CYP20A1: variants seen among roughly 807,000 people sequenced by gnomAD.
The protein encoded by CYP20A1 is cytochrome P450 family 20 subfamily A member 1.
In CYP20A1, 61 loss-of-function variants were observed where a neutral mutation model predicts 61.4. The ratio of observed to expected loss-of-function variants is 0.99; its 90% confidence interval spans 0.81 to 1.23. The LOEUF (loss-of-function observed/expected upper bound fraction) is 1.23, where lower values mean the gene tolerates loss of function less well. Ranked by LOEUF, CYP20A1 falls within the 50% of genes most tolerant of loss-of-function variation. The pLI is 0.00. For missense variants in CYP20A1, 530 were observed against 542.4 expected (o/e 0.98, Z 0.23); for synonymous variants, 193 against 188.2 (o/e 1.03, Z -0.21).
rs184333613 is a variant in CYP20A1 at position 203,254,285 on chromosome 2, G to C, written c.432+2176G>C. On this transcript the variant is annotated intron_variant, in intron 4 of 12. Coordinates refer to ENST00000356079, the MANE Select transcript of CYP20A1 (RefSeq NM_177538.3). ...TAACCCTTGCCTTCCCTGTTACTTA[G>C]AGTGAATGAATGCATATTTATTTTT... is the stretch of plus-strand genomic sequence containing the variant. Among the ~76,000 whole-genome samples, 98 of 152,170 alleles carry C rather than the reference G, an allele frequency of 6.4e-4. 2 individuals carry two copies. The highest frequency in any genetic ancestry group is 1.4e-3 in the Admixed American group (21 of 15,262).
rs2068999031 is a variant in CYP20A1, at chr2:203,301,022, C to A, written c.*4114C>A. 6.6e-6 allele frequency among the ~76,000 whole-genome samples: 1 copy of A among 151,054 alleles called. No homozygotes were observed. Among genetic ancestry groups the A allele is most frequent in the Non-Finnish European group, 1.5e-5 (1 of 67,888 alleles). On this transcript the variant is annotated 3_prime_UTR_variant, in exon 13 of 13. Transcript: ENST00000356079. ...GACCAGCCTGACCAACATGGAGAAA[C>A]TTCATCTCTACTAAAAATACAAAAT...
At chr2:203,242,882 TA>T (rs2066304366) in intron 1 of CYP20A1, among the ~76,000 whole-genome samples, 2 of 152,150 alleles carry the variant, frequency 1.3e-5, no homozygotes, top group East Asian at 3.8e-4. Flanking sequence ...CCATTTGTCA[TA>T]ATCATCTAGC....
intron 9 of CYP20A1, 97 bp from the exon 10 acceptor site, chr2:203,289,668 A>G (rs1575267230): frequency 1.9e-6 from 1 of 514,638 alleles, no homozygotes; most frequent in East Asian, 3.2e-5. Flanking sequence ...CAAGTTGGGA[A>G]TGTTTGAGCA....
At position 203,278,638 on chromosome 2, in the gene CYP20A1, C is replaced by G; in HGVS notation, c.745C>G (p.Gln249Glu). 1 of 1,606,764 alleles carries G rather than the reference C, an allele frequency of 6.2e-7. No homozygotes were observed. The highest frequency in any genetic ancestry group is 8.5e-7 in the Non-Finnish European group (1 of 1,176,238). Residue 249 changes from glutamine to glutamate, a missense_variant, in exon 7 of 13, where the codon CAA becomes GAA. Coordinates refer to ENST00000356079, the MANE Select transcript of CYP20A1 (RefSeq NM_177538.3). ...IKERKGRNFS[Q>E]HIFIDSLVQG... ...AGAACGAAAAGGAAGGAACTTCAGT[C>G]AACATATTTTCATTGACTCCTTAGT...
chr2:203,249,674 G>A (rs1434557321), intron 3 of CYP20A1, among the ~76,000 whole-genome samples: 1 of 151,852 alleles, frequency 6.6e-6, no homozygotes, highest in Non-Finnish European at 1.5e-5. Context: ...GTGAAACCCC[G>A]TCTCTACTAA....
chr2:203,283,327 C>G (rs2068122319), intron 8 of CYP20A1, among the ~76,000 whole-genome samples: 1 of 149,858 alleles, frequency 6.7e-6, no homozygotes, highest in East Asian at 2.0e-4. Flanking sequence ...AGCGATTCTC[C>G]TGCCTCAGCC....
At chr2:203,267,719 C>CT (rs2067387264) in intron 5 of CYP20A1, among the ~76,000 whole-genome samples, 1 of 151,786 alleles carries the variant, frequency 6.6e-6, no homozygotes, top group African/African-American at 2.4e-5. Context: ...TGGCAGGAGC[C>CT]TATAATCCCA....
chr2:203,245,783 G>T, intron 1 of CYP20A1, 63 bp from the exon 2 acceptor site: 1 of 927,734 alleles, frequency 1.1e-6, no homozygotes, highest in Non-Finnish European at 1.7e-6. Flanking sequence ...AGATGTGTTG[G>T]TGAAACACAT....
Position 203,239,022 on chromosome 2 carries a change from G to C in CYP20A1, c.-41G>C. The C allele has an allele frequency of 1.3e-6, 2 of 1,584,314 alleles. No individual in the cohort carries two copies. Among genetic ancestry groups the C allele is most frequent in the Non-Finnish European group, 1.7e-6 (2 of 1,153,982 alleles). On this transcript the variant is annotated 5_prime_UTR_variant, in exon 1 of 13. Transcript: ENST00000356079. ...GGGCCAGGCTGAGGCGCTGCTGCTG[G>C]AGCGGCCGATCCGAGACGTGGCTCC...
chr2:203,271,185 TCACGC>T (rs1420029337), intron 5 of CYP20A1, among the ~76,000 whole-genome samples: 2 of 145,252 alleles, frequency 1.4e-5, no homozygotes, highest in Non-Finnish European at 3.0e-5. Flanking sequence ...CCTCCCGGGT[TCACGC>T]CATTCTTCTG....
At chr2:203,272,816 C>A in intron 6 of CYP20A1, 68 bp downstream of exon 6, 9 of 903,748 alleles carry the variant, frequency 1.0e-5, no homozygotes, top group South Asian at 1.6e-5. Context: ...ATAAAGTAAT[C>A]TCTGAATAGT....
chr2:203,285,515 AC>A, intron 8 of CYP20A1, 96 bp from the exon 9 acceptor site: 1 of 1,357,194 alleles, frequency 7.4e-7, no homozygotes, highest in South Asian at 2.0e-5. Context: ...AAAAGCAAAT[AC>A]AAAAATCCCA....
At chr2:203,254,987 T>C (rs568013873) in intron 4 of CYP20A1, among the ~76,000 whole-genome samples, 81 of 150,778 alleles carry the variant, frequency 5.4e-4, no homozygotes, top group African/African-American at 1.9e-3. Context: ...TGAGACTCCG[T>C]CTCCAAAAAA....
At chr2:203,263,993 G>T (rs1049903780) in intron 4 of CYP20A1, among the ~76,000 whole-genome samples, 1 of 151,818 alleles carries the variant, frequency 6.6e-6, no homozygotes, top group African/African-American at 2.4e-5. Flanking sequence ...TTTTTGTGTG[G>T]GGGGCGTGGG....
chr2:203,241,079 G>A (rs2066237575), intron 1 of CYP20A1, among the ~76,000 whole-genome samples: 1 of 152,136 alleles, frequency 6.6e-6, no homozygotes, highest in Non-Finnish European at 1.5e-5. Flanking sequence ...AGTGCCAATG[G>A]GATTTCCCAG....
intron 5 of CYP20A1, among the ~76,000 whole-genome samples, chr2:203,269,716 A>G (rs1037040224): frequency 6.6e-6 from 1 of 151,240 alleles, no homozygotes. Context: ...CTGGTCTCGA[A>G]CTCCTGATCT....
rs1288273876 is a variant in CYP20A1 at position 203,300,276 on chromosome 2, AAG to A, written c.*3370_*3371del. Among the ~76,000 whole-genome samples, 6 of 152,166 alleles carry A rather than the reference AAG, an allele frequency of 3.9e-5. No individual in the cohort carries two copies. The highest frequency in any genetic ancestry group is 1.3e-4 in the Admixed American group (2 of 15,274). On this transcript the variant is annotated 3_prime_UTR_variant, in exon 13 of 13. Transcript: ENST00000356079. ...GTTACATGACTAACAAATGATTAAA[AAG>A]AAGTTATTCTCTAGATAATTTTTTA...
At chr2:203,296,334 A>G in intron 11 of CYP20A1, 140 bp from the exon 12 acceptor site, 3 of 528,132 alleles carry the variant, frequency 5.7e-6, no homozygotes. Flanking sequence ...CATAAAAATA[A>G]GTGGCATTTA....
At chr2:203,255,954 C>T (rs186367873) in intron 4 of CYP20A1, among the ~76,000 whole-genome samples, 230 of 152,136 alleles carry the variant, frequency 1.5e-3, no homozygotes, top group African/African-American at 5.3e-3. Context: ...GGATAGGTCC[C>T]CTTTTATTTA....
Sources: allele counts gnomAD v4.1 joint callset (sites outside exome capture counted in the v4.1 genomes callset), GRCh38; gene constraint gnomAD v4.1.1; transcripts MANE v1.5; gene names NCBI Gene and HGNC (gene_info 2026-07-23, HGNC 2026-07-21).